TP53BP2: variants seen among roughly 807,000 people sequenced by gnomAD.
TP53BP2 encodes the protein apoptosis-stimulating of p53 protein 2.
A neutral mutation model predicts 126.2 loss-of-function variants in TP53BP2; 62 were observed. The observed-to-expected ratio is 0.49, with a 90% confidence interval of 0.40 to 0.61. The LOEUF (loss-of-function observed/expected upper bound fraction) is 0.61, where lower values mean the gene tolerates loss of function less well. TP53BP2 is among the 20% of genes least tolerant of loss of function. The pLI is 0.00. For synonymous variants in TP53BP2, 485 were observed against 502.9 expected (o/e 0.96, Z 0.48); for missense variants, 1,215 against 1,402.8 (o/e 0.87, Z 2.14).
At chr1:223,845,355 A>G in intron 1 of TP53BP2, 1 of 739,372 alleles carries the variant, frequency 1.4e-6, no homozygotes, top group African/African-American at 1.9e-5. Context: ...ACCCAGTGAA[A>G]GACGAAAAGT....
rs1558100519 is a variant in TP53BP2 at position 223,813,037 on chromosome 1, CTCCCACA to C, written c.289+1196_289+1202del. Among the ~76,000 whole-genome samples, 4 of 152,284 alleles carry C rather than the reference CTCCCACA, an allele frequency of 2.6e-5. No individual in the cohort carries two copies. The South Asian group carries it at 6.2e-4, about 24-fold the overall frequency. On this transcript the variant is annotated intron_variant, in intron 3 of 17. Transcript: ENST00000343537. ...GTAATGTCCAATAACCCTGCTCGTT[CTCCCACA>C]TCCTACAAGACTGCTGGGTCACAGG...
At chr1:223,845,375 T>C (rs1664231291) in intron 1 of TP53BP2, 1 of 566,804 alleles carries the variant, frequency 1.8e-6, no homozygotes, top group South Asian at 7.7e-5. Context: ...TTTGAGTGGC[T>C]GCTGGGCTCG....
At chr1:223,797,133 G>C (rs1483772508) in intron 12 of TP53BP2, among the ~76,000 whole-genome samples, 1 of 151,904 alleles carries the variant, frequency 6.6e-6, no homozygotes, top group East Asian at 1.9e-4. Context: ...CCCATGAAAA[G>C]AAGAGTAAGA....
In TP53BP2 at chr1:223,796,400, A is replaced by G. The variant is rs774901159; in HGVS notation, c.2139T>C (p.Ser713=). ...LSPTKLLPFL[S]NPYRNQSDAD... Reference sequence around the variant, plus strand: ...CATCACTCTGGTTTCGGTAAGGATTAGATAAGAAAGGCAGTAATTTAGTTG... The same window carrying G: ...CATCACTCTGGTTTCGGTAAGGATTGGATAAGAAAGGCAGTAATTTAGTTG... Residue 713 remains serine, a synonymous_variant, in exon 13 of 18, where the codon TCT becomes TCC. Transcript: ENST00000343537. This position sits in a 1 kb window ranked among gnomAD's most constrained non-coding sequence, Gnocchi z 4.2. 2.5e-6 allele frequency: 4 copies of G among 1,614,202 alleles called. No homozygotes were observed. Among genetic ancestry groups the G allele is most frequent in the Admixed American group, 3.3e-5 (2 of 60,014 alleles).
rs1171373479 is a variant in TP53BP2 at position 223,810,415 on chromosome 1, A to G, written c.372+16T>C. The G allele has an allele frequency of 6.3e-7, 1 of 1,591,240 alleles. No individual in the cohort carries two copies. The highest frequency in any genetic ancestry group is 2.2e-5 in the East Asian group (1 of 44,538). ...TCACTGTGGTATATACAGTATGGAT[A>G]AAAACAACAACTTACACCGTTCTCC... is the stretch of plus-strand genomic sequence containing the variant. On this transcript the variant is annotated intron_variant, in intron 4 of 17. Coordinates refer to ENST00000343537, the MANE Select transcript of TP53BP2 (RefSeq NM_001031685.3).
At chr1:223,781,107 C>T (rs146920777) in intron 17 of TP53BP2, among the ~76,000 whole-genome samples, 259 of 152,278 alleles carry the variant, frequency 1.7e-3, no homozygotes, top group African/African-American at 6.0e-3. Context: ...CACAAGGGCC[C>T]GTCAACTGTG....
Position 223,803,396 on chromosome 1 carries a change from G to A in TP53BP2, c.706C>T (p.Leu236=). 1 of 1,613,870 alleles carries A rather than the reference G, an allele frequency of 6.2e-7. No individual in the cohort carries two copies. Among genetic ancestry groups the A allele is most frequent in the Non-Finnish European group, 8.5e-7 (1 of 1,179,884 alleles). The part of the protein sequence containing the change: ...LFQQKQRELV[L]AVSKVEELTR... ...AGTTCTTCTACTTTTGACACAGCCA[G>A]GACGAGCTCCCTCTGTTTTTGCTGG... The change falls in exon 7 of 18, where the codon CTG becomes TTG. Residue 236 remains leucine (L), a synonymous_variant. Coordinates refer to ENST00000343537, the MANE Select transcript of TP53BP2 (RefSeq NM_001031685.3).
intron 1 of TP53BP2, among the ~76,000 whole-genome samples, chr1:223,824,193 G>C (rs1249161053): frequency 6.6e-6 from 1 of 152,172 alleles, no homozygotes; most frequent in Non-Finnish European, 1.5e-5. Context: ...ACTAGGAAAT[G>C]CTCCATTTAA....
At chr1:223,798,178 A>C in intron 12 of TP53BP2, 37 bp downstream of exon 12, 1 of 1,576,322 alleles carries the variant, frequency 6.3e-7, no homozygotes. Context: ...CTGGTATAGA[A>C]CTTAAGCACG....
rs1473846300 is a variant in TP53BP2, at chr1:223,803,788, G to A, written c.650-336C>T. Among the ~76,000 whole-genome samples the A allele has an allele frequency of 7.9e-5, 12 of 152,238 alleles. No individual in the cohort carries two copies. In the East Asian group the frequency reaches 1.3e-3, roughly 17 times the overall value. On this transcript the variant is annotated intron_variant, in intron 6 of 17. Coordinates refer to ENST00000343537, the MANE Select transcript of TP53BP2 (RefSeq NM_001031685.3). ...CAAACATTCTGAATAAAATGGTATCGTAATAGATGGAGCTATTATATGAAT... is the reference window on the plus strand; with the variant it reads ...CAAACATTCTGAATAAAATGGTATCATAATAGATGGAGCTATTATATGAAT...
chr1:223,802,052 A>T (rs745704854), intron 9 of TP53BP2, 64 bp downstream of exon 9: 12 of 1,467,574 alleles, frequency 8.2e-6, no homozygotes, highest in South Asian at 1.3e-5. Flanking sequence ...GATTTTTTTT[A>T]AACTCAAACT....
chr1:223,797,794 A>G (rs1474396249), intron 12 of TP53BP2, among the ~76,000 whole-genome samples: 9 of 141,946 alleles, frequency 6.3e-5, no homozygotes, highest in East Asian at 2.1e-4. Context: ...GTGTGTGTGT[A>G]TATATATCTA....
rs929325950 is a variant in TP53BP2, at chr1:223,822,285, A to G, written c.28-918T>C. Reference sequence around the variant, plus strand: ...TTGAAGTACAAGATTTCATTAACAAAGTATAAGTAGAAATGAGTAGCTGTT... The same window carrying G: ...TTGAAGTACAAGATTTCATTAACAAGGTATAAGTAGAAATGAGTAGCTGTT... On this transcript the variant is annotated intron_variant, in intron 1 of 17. Transcript: ENST00000343537. Among the ~76,000 whole-genome samples the G allele has an allele frequency of 2.0e-5, 3 of 151,922 alleles. No homozygotes were observed. In the South Asian group the frequency reaches 6.2e-4, roughly 31 times the overall value.
rs1218335855 is a variant in TP53BP2, at chr1:223,831,477, AAAAATATATATAT to A, written c.28-10123_28-10111del. On this transcript the variant is annotated intron_variant, in intron 1 of 17. Transcript: ENST00000343537. ...ACATATGTACCATCTAAAAAAAAAA[AAAAATATATATAT>A]ATATATATATATATATATATATATA... 2.9e-3 allele frequency among the ~76,000 whole-genome samples: 120 copies of A among 42,006 alleles called. 4 individuals carry two copies. Among genetic ancestry groups the A allele is most frequent in the African/African-American group, 0.013 (112 of 8,426 alleles). The allele number at this position is 42,006 out of a possible 152,430, so 27.6% of individuals were successfully genotyped here.
chr1:223,781,953 G>A (rs1461542425), intron 17 of TP53BP2, among the ~76,000 whole-genome samples: 1 of 152,076 alleles, frequency 6.6e-6, no homozygotes, highest in Non-Finnish European at 1.5e-5. Flanking sequence ...TCTTCTAAGC[G>A]CCACACACAC....
chr1:223,825,102 C>T (rs563033001), intron 1 of TP53BP2, among the ~76,000 whole-genome samples: 98 of 151,976 alleles, frequency 6.4e-4, no homozygotes, highest in African/African-American at 1.3e-3. Context: ...CAGTCACTAA[C>T]ATGTCATATG....
At chr1:223,814,028 T>A in intron 3 of TP53BP2, 1 of 488,792 alleles carries the variant, frequency 2.0e-6, no homozygotes, top group Non-Finnish European at 3.6e-6. Context: ...TCCTTTCTTA[T>A]AGTTTCAACC....
chr1:223,797,485 T>A (rs1170073783), intron 12 of TP53BP2, among the ~76,000 whole-genome samples: 1 of 152,018 alleles, frequency 6.6e-6, no homozygotes, highest in Non-Finnish European at 1.5e-5. Context: ...CCATCTCGGC[T>A]CACTGCAACC....
chr1:223,800,847 T>A (rs1453954878), intron 9 of TP53BP2, 37 bp from the exon 10 acceptor site: 1 of 1,453,660 alleles, frequency 6.9e-7, no homozygotes, highest in African/African-American at 1.4e-5. Context: ...TAACTCAGCA[T>A]TCTAAAGAGA....
Sources: allele counts gnomAD v4.1 joint callset (sites outside exome capture counted in the v4.1 genomes callset), GRCh38; gene constraint gnomAD v4.1.1; non-coding constraint Gnocchi (gnomAD v3.1); transcripts MANE v1.5; gene names NCBI Gene and HGNC (gene_info 2026-07-23, HGNC 2026-07-21).